Variants in MAP3K1 observed in about 807,000 individuals in gnomAD.
The protein encoded by MAP3K1 is MAP/ERK kinase kinase 1.
MAP3K1 carries 36 observed loss-of-function variants against 144.2 expected under a neutral mutation model. The observed-to-expected ratio is 0.25, with a 90% CI of 0.19 to 0.33. MAP3K1 has a LOEUF of 0.33. Among genes scored for constraint, MAP3K1 ranks in the 10% least tolerant of loss-of-function variants. The pLI is 1.00. For synonymous variants in MAP3K1, 718 were observed against 688.7 expected, an observed-to-expected ratio of 1.04 and a Z score of -0.67; for missense variants, 1,650 against 1,881.9, an observed-to-expected ratio of 0.88 and a Z score of 2.28.
chr5:56,859,809 C>G lies in MAP3K1; in HGVS notation c.728C>G (p.Pro243Arg), dbSNP rs1747450065. The change falls in exon 3 of 20, where the codon CCA becomes CGA. Residue 243 changes from proline (P) to arginine (R), a missense_variant. By Grantham distance (103) the Pro-to-Arg change is moderately radical. Around this residue, in one of 6 missense-constraint regions of MAP3K1, gnomAD observed 148 missense variants for 177.2 expected, o/e 0.84. Transcript: ENST00000399503. ...PGEVQASAASPASKGRRSPSP... is the reference protein window; with the variant it reads ...PGEVQASAASRASKGRRSPSP... ...GAGGTCCAGGCAAGTGCGGCTTCAC[C>G]AGCTTCCAAAGGCCGACGCAGTCCT... 6.2e-7 allele frequency: 1 copy of G among 1,613,870 alleles called. No homozygotes were observed. The highest frequency in any genetic ancestry group is 1.3e-5 in the African/African-American group (1 of 74,892).
intron 6 of MAP3K1, among the ~76,000 whole-genome samples, chr5:56,867,498 A>G (rs1432915775): frequency 6.6e-6 from 1 of 152,196 alleles, no homozygotes; most frequent in Admixed American, 6.5e-5. Flanking sequence ...CATAAAGAGA[A>G]TATCCACCAA....
chr5:56,847,729 A>G (rs746997504), intron 1 of MAP3K1, among the ~76,000 whole-genome samples: 2 of 152,242 alleles, frequency 1.3e-5, no homozygotes, highest in Non-Finnish European at 2.9e-5. Flanking sequence ...TAAAAAATGT[A>G]CTTCATGCAA....
chr5:56,868,019 A>G (rs893602583), intron 6 of MAP3K1, among the ~76,000 whole-genome samples: 1 of 152,222 alleles, frequency 6.6e-6, no homozygotes, highest in Non-Finnish European at 1.5e-5. Context: ...AGTTTTATAT[A>G]GAAAAGGTAT....
chr5:56,889,037 T>C (rs1205858996), intron 19 of MAP3K1, among the ~76,000 whole-genome samples: 1 of 152,198 alleles, frequency 6.6e-6, no homozygotes, highest in Non-Finnish European at 1.5e-5. Context: ...CTAGAAGAAA[T>C]ATGTAGTGTG....
In MAP3K1 at chr5:56,831,246, G is replaced by T. The variant is rs112786346; in HGVS notation, c.482+15191G>T. Among the ~76,000 whole-genome samples, 947 of 149,156 alleles carry T rather than the reference G, an allele frequency of 6.3e-3. 5 individuals are homozygous for T. Among genetic ancestry groups the T allele is most frequent in the Non-Finnish European group, 0.011 (768 of 67,734 alleles). On this transcript the variant is annotated intron_variant, in intron 1 of 19. Transcript: ENST00000399503. The stretch of plus-strand genomic sequence containing the variant: ...TTGAGGTTCAGAGACTGCAGTCACT[G>T]CAGAGACCTGAAAGCCATTACTGTC...
In MAP3K1 at chr5:56,855,740, T is replaced by C. The variant is rs185718621; in HGVS notation, c.483-860T>C. 2.9e-3 allele frequency among the ~76,000 whole-genome samples: 440 copies of C among 152,316 alleles called. 1 individual carries two copies. Among genetic ancestry groups the C allele is most frequent in the Non-Finnish European group, 5.4e-3 (365 of 68,022 alleles). On this transcript the variant is annotated intron_variant, in intron 1 of 19. Transcript: ENST00000399503. ...CAGTGTAGAAAAACTGTTCTCTAGC[T>C]TTAAAGACTTTTCAAAATAGTTACT...
intron 3 of MAP3K1, among the ~76,000 whole-genome samples, chr5:56,861,398 C>G (rs1018681585): frequency 4.2e-4 from 64 of 151,796 alleles, no homozygotes; most frequent in Admixed American, 1.5e-3. Context: ...GTGGTGAAAC[C>G]CCGTCTCTAC....
chr5:56,829,174 C>CT lies in MAP3K1; in HGVS notation c.482+13132dup, dbSNP rs941506603. Among the ~76,000 whole-genome samples, 1,425 of 142,838 alleles carry CT rather than the reference C, an allele frequency of 1.0e-2. 12 individuals carry two copies. The highest frequency in any genetic ancestry group is 0.015 in the Non-Finnish European group (951 of 64,856). The allele number at this position is 142,838 out of a possible 152,430, so 93.7% of individuals were successfully genotyped here. A position where few individuals can be genotyped will look rare whatever the true frequency, so the allele number is the denominator to read the frequency against. On this transcript the variant is annotated intron_variant, in intron 1 of 19. Transcript: ENST00000399503. Reference sequence around the variant, plus strand: ...CACCTTGCCTATTGCTGTTTTTCTTCTTTTTTTTTTTTTCCTCTTTTTTCT... The same window carrying CT: ...CACCTTGCCTATTGCTGTTTTTCTTCTTTTTTTTTTTTTTCCTCTTTTTTCT...
intron 1 of MAP3K1, among the ~76,000 whole-genome samples, chr5:56,834,905 ATATTAT>A (rs1430552650): frequency 6.6e-6 from 1 of 152,152 alleles, no homozygotes; most frequent in Admixed American, 6.5e-5. Context: ...TTAATTTTAG[ATATTAT>A]TATAATAAGT....
intron 9 of MAP3K1, 38 bp downstream of exon 9, chr5:56,873,043 T>C (rs779078830): frequency 7.7e-6 from 12 of 1,561,068 alleles, no homozygotes; most frequent in Non-Finnish European, 1.1e-5. Context: ...CAAAGAAATA[T>C]TTATAGATCA....
Position 56,864,692 on chromosome 5 carries a change from A to G in MAP3K1, c.835-42A>G, listed in dbSNP as rs756738292. 3.1e-5 allele frequency: 50 copies of G among 1,597,620 alleles called. 2 individuals carry two copies. The South Asian group carries it at 5.2e-4, about 17-fold the overall frequency. ...CTGACCGGATAATAGTTTCTTAATT[A>G]AGAAATGAGAAACGTACCTAATAAA... On this transcript the variant is annotated intron_variant, in intron 3 of 19. Coordinates refer to ENST00000399503, the MANE Select transcript of MAP3K1 (RefSeq NM_005921.2).
chr5:56,850,253 C>A (rs965037579), intron 1 of MAP3K1, among the ~76,000 whole-genome samples: 3 of 152,182 alleles, frequency 2.0e-5, no homozygotes, highest in Non-Finnish European at 2.9e-5. Flanking sequence ...GAAGGCTTCA[C>A]AGGTGGACCT....
intron 1 of MAP3K1, among the ~76,000 whole-genome samples, chr5:56,848,894 A>G (rs1418793759): frequency 6.6e-6 from 1 of 152,318 alleles, no homozygotes; most frequent in East Asian, 1.9e-4. Flanking sequence ...CTTGACTTCC[A>G]TATTACTTAA....
chr5:56,882,127 C>G lies in MAP3K1; in HGVS notation c.2927C>G (p.Ser976Cys), dbSNP rs777180860. ...CLNSSPLSHHSQLMFPALSTP... is the reference protein window; with the variant it reads ...CLNSSPLSHHCQLMFPALSTP... Reference sequence around the variant, plus strand: ...AACTCCTCTCCTTTATCTCATCATTCCCAATTAATGTTTCCAGCCTTGTCA... The same window carrying G: ...AACTCCTCTCCTTTATCTCATCATTGCCAATTAATGTTTCCAGCCTTGTCA... Residue 976 changes from serine (S) to cysteine (C), a missense_variant, in exon 14 of 20, where the codon TCC (serine) becomes TGC (cysteine). Around this residue, in one of 6 missense-constraint regions of MAP3K1, gnomAD observed 841 missense variants for 886.5 expected, o/e 0.95. Transcript: ENST00000399503. The G allele has an allele frequency of 1.2e-6, 2 of 1,614,022 alleles. No individual in the cohort carries two copies. The highest frequency in any genetic ancestry group is 1.3e-5 in the African/African-American group (1 of 74,916).
intron 1 of MAP3K1, among the ~76,000 whole-genome samples, chr5:56,840,932 G>A (rs1746794175): frequency 6.7e-6 from 1 of 150,182 alleles, no homozygotes; most frequent in Admixed American, 6.6e-5. Context: ...CTGGAGTGCA[G>A]TGGCACGTTC....
rs1430675926 is a variant in MAP3K1, at chr5:56,815,928, C to CGCG, written c.362_364dup (p.Gly121dup). ...GCCGCCGCCCCACGGAGCCGCGAGC[C>CGCG]GCGGCGGCGCCCACCTTACCGAGTC... On this transcript the variant is annotated inframe_insertion, in exon 1 of 20. Transcript: ENST00000399503. The CGCG allele has an allele frequency of 7.9e-7, 1 of 1,260,364 alleles. No individual in the cohort carries two copies. The highest frequency in any genetic ancestry group is 9.9e-7 in the Non-Finnish European group (1 of 1,005,470). The allele number at this position is 1,260,364 out of a possible 1,614,324, so 78.1% of individuals were successfully genotyped here. A position where few individuals can be genotyped will look rare whatever the true frequency, so the allele number is the denominator to read the frequency against.
chr5:56,848,101 G>GC (rs1320230879), intron 1 of MAP3K1, among the ~76,000 whole-genome samples: 1 of 71,186 alleles, frequency 1.4e-5, no homozygotes, highest in Non-Finnish European at 4.3e-5. Flanking sequence ...GTAATTGACT[G>GC]CAAAAAAAAA....
rs1561208130 is a variant in MAP3K1, at chr5:56,894,155, T to C, written c.*475T>C. 3.5e-6 allele frequency: 1 copy of C among 288,612 alleles called. No individual in the cohort carries two copies. The highest frequency in any genetic ancestry group is 6.6e-6 in the Non-Finnish European group (1 of 150,824). 17.9% of individuals were successfully genotyped at this position (288,612 alleles called of 1,614,324 possible). A position where few individuals can be genotyped will look rare whatever the true frequency, so the allele number is the denominator to read the frequency against. On this transcript the variant is annotated 3_prime_UTR_variant, in exon 20 of 20. Coordinates refer to ENST00000399503, the MANE Select transcript of MAP3K1 (RefSeq NM_005921.2). ...GCCTCTTTTAGGTCAGAGTATGCTA[T>C]GAGTAGCAATACATACATATATTTT...
chr5:56,873,130 A>C, intron 9 of MAP3K1, 125 bp downstream of exon 9: 1 of 846,014 alleles, frequency 1.2e-6, no homozygotes, highest in Admixed American at 2.3e-5. Context: ...CATGACCTTC[A>C]TTCCACTGGA....
Sources: gnomAD v4.1 joint callset for allele counts (sites outside exome capture counted in the v4.1 genomes callset) on GRCh38, gnomAD v4.1.1 for gene constraint, gnomAD v4.1.1 regional missense constraint, MANE v1.5 for transcripts, NCBI Gene and HGNC (gene_info 2026-07-23, HGNC 2026-07-21) for gene names.